The following KCNQ5 variants were observed in gnomAD, a reference collection of about 807,000 sequenced individuals.
KCNQ5 encodes potassium voltage-gated channel subfamily KQT member 5.
Under a neutral mutation model 98.2 loss-of-function variants are expected in KCNQ5, and 30 were observed. The observed-to-expected ratio is 0.31, with a 90% CI of 0.23 to 0.41. The LOEUF (loss-of-function observed/expected upper bound fraction) is 0.41, where lower values mean the gene tolerates loss of function less well. Among genes scored for constraint, KCNQ5 ranks in the 10% least tolerant of loss-of-function variants. The pLI is 1.00. For missense variants in KCNQ5, 835 were observed against 1,182.5 expected, an observed-to-expected ratio of 0.71 and a Z score of 4.31; for synonymous variants, 458 against 449.4, an observed-to-expected ratio of 1.02 and a Z score of -0.24.
At chr6:72,668,684 T>C (rs1469236005) in intron 1 of KCNQ5, among the ~76,000 whole-genome samples, 1 of 151,366 alleles carries the variant, frequency 6.6e-6, no homozygotes, top group Non-Finnish European at 1.5e-5. Context: ...GCTGGAAGTT[T>C]CAGATCTTGG....
chr6:73,169,630 T>C (rs371924417), intron 10 of KCNQ5, 116 bp from the exon 11 acceptor site: 19 of 718,112 alleles, frequency 2.6e-5, no homozygotes, highest in African/African-American at 2.6e-4. Context: ...CTTATACATA[T>C]CTTGGTTTAT....
At chr6:73,158,383 C>T (rs147246952) in intron 10 of KCNQ5, among the ~76,000 whole-genome samples, 1 of 151,908 alleles carries the variant, frequency 6.6e-6, no homozygotes, top group African/African-American at 2.4e-5. Context: ...TCTCCTGCCT[C>T]GGCCTCCCGA....
At chr6:72,926,852 C>T (rs1275097397) in intron 1 of KCNQ5, among the ~76,000 whole-genome samples, 1 of 152,164 alleles carries the variant, frequency 6.6e-6, no homozygotes, top group Non-Finnish European at 1.5e-5. Flanking sequence ...TGAAAATTCT[C>T]TCTCAGTAAA....
intron 10 of KCNQ5, among the ~76,000 whole-genome samples, chr6:73,159,260 A>G (rs1460591638): frequency 6.6e-6 from 1 of 152,218 alleles, no homozygotes; most frequent in Non-Finnish European, 1.5e-5. Context: ...AAAACCAAAT[A>G]CCACATGTTC....
At chr6:73,160,460 G>A (rs1030378452) in intron 10 of KCNQ5, among the ~76,000 whole-genome samples, 62 of 152,224 alleles carry the variant, frequency 4.1e-4, no homozygotes, top group African/African-American at 1.4e-3. Context: ...GCGAGTAGAA[G>A]ACAATGACTG....
intron 1 of KCNQ5, among the ~76,000 whole-genome samples, chr6:72,994,892 C>A (rs547535363): frequency 1.9e-4 from 29 of 151,832 alleles, no homozygotes; most frequent in African/African-American, 7.0e-4. Context: ...TATTTATGTA[C>A]AGGAGTATGA....
chr6:73,162,640 A>G (rs140738785), intron 10 of KCNQ5, among the ~76,000 whole-genome samples: 314 of 152,348 alleles, frequency 2.1e-3, no homozygotes, highest in African/African-American at 7.3e-3. Context: ...TTAAGCCCCT[A>G]GGAGTAATAA....
At chr6:73,150,727 A>G (rs1270051748) in intron 10 of KCNQ5, among the ~76,000 whole-genome samples, 1 of 151,666 alleles carries the variant, frequency 6.6e-6, no homozygotes, top group African/African-American at 2.4e-5. Context: ...GAATCTTGTG[A>G]GAATTATGTT....
intron 1 of KCNQ5, among the ~76,000 whole-genome samples, chr6:72,794,191 G>A (rs1031579757): frequency 2.0e-5 from 3 of 152,178 alleles, no homozygotes; most frequent in Admixed American, 6.5e-5. Flanking sequence ...GGACACATCC[G>A]AAAGTGATAA....
chr6:72,873,460 G>T (rs1442315186), intron 1 of KCNQ5, among the ~76,000 whole-genome samples: 2 of 151,830 alleles, frequency 1.3e-5, no homozygotes, highest in Admixed American at 6.6e-5. Flanking sequence ...ATCTGGGTGA[G>T]ATTTTATTTG....
intron 1 of KCNQ5, among the ~76,000 whole-genome samples, chr6:72,799,314 A>G (rs1288968068): frequency 1.3e-5 from 2 of 152,116 alleles, no homozygotes; most frequent in African/African-American, 2.4e-5. Flanking sequence ...TGTCAAGGTA[A>G]TCTCCTTTGC....
At chr6:72,629,502 C>G (rs1163927474) in intron 1 of KCNQ5, among the ~76,000 whole-genome samples, 1 of 151,876 alleles carries the variant, frequency 6.6e-6, no homozygotes, top group African/African-American at 2.4e-5. Context: ...AATATGATAG[C>G]CTAAAAGGAA....
At chr6:73,012,276 T>C (rs904196361) in intron 2 of KCNQ5, among the ~76,000 whole-genome samples, 2 of 152,012 alleles carry the variant, frequency 1.3e-5, no homozygotes, top group Non-Finnish European at 2.9e-5. Flanking sequence ...AAAAAAAGTA[T>C]TCACCCTTAA....
chr6:72,842,507 T>A (rs1752071610), intron 1 of KCNQ5, among the ~76,000 whole-genome samples: 1 of 152,168 alleles, frequency 6.6e-6, no homozygotes, highest in Admixed American at 6.6e-5. Flanking sequence ...TTATCTAAGA[T>A]CATACTGGTG....
At chr6:72,867,680 G>A (rs1236935190) in intron 1 of KCNQ5, among the ~76,000 whole-genome samples, 4 of 152,064 alleles carry the variant, frequency 2.6e-5, no homozygotes, top group Admixed American at 6.5e-5. Context: ...GCTCATGCCT[G>A]TAATCCCAAC....
At chr6:72,810,712 C>T (rs1775199338) in intron 1 of KCNQ5, among the ~76,000 whole-genome samples, 1 of 152,172 alleles carries the variant, frequency 6.6e-6, no homozygotes. Context: ...TTTCCATGAA[C>T]ATGGCTATAA....
intron 1 of KCNQ5, among the ~76,000 whole-genome samples, chr6:72,889,125 A>G (rs1009406512): frequency 6.6e-6 from 1 of 152,230 alleles, no homozygotes; most frequent in African/African-American, 2.4e-5. Context: ...GTCATGAGGG[A>G]ACCTTGCTAA....
At chr6:73,075,369 C>T (rs900404940) in intron 3 of KCNQ5, among the ~76,000 whole-genome samples, 6 of 151,870 alleles carry the variant, frequency 4.0e-5, no homozygotes, top group African/African-American at 1.2e-4. Context: ...ATTACAGGCA[C>T]GTGCCACCAC....
intron 11 of KCNQ5, among the ~76,000 whole-genome samples, chr6:73,183,107 T>A (rs560877816): frequency 1.1e-4 from 17 of 152,274 alleles, no homozygotes; most frequent in Non-Finnish European, 2.5e-4. Flanking sequence ...GATTCATTTG[T>A]GTGAGAATGT....
Sources: allele counts gnomAD v4.1 joint callset (sites outside exome capture counted in the v4.1 genomes callset), GRCh38; gene constraint gnomAD v4.1.1; transcripts MANE v1.5; gene names NCBI Gene and HGNC (gene_info 2026-07-23, HGNC 2026-07-21).